The following PTAR1 variants were observed in gnomAD, a reference collection of about 807,000 sequenced individuals.
PTAR1 encodes the protein protein prenyltransferase alpha subunit repeat containing 1, also known as protein prenyltransferase alpha subunit repeat-containing protein 1.
In PTAR1, 17 loss-of-function variants were observed where a neutral mutation model predicts 45.5. That is an observed-to-expected ratio of 0.37 (90% CI 0.26 to 0.56). The LOEUF is 0.56. Among genes scored for constraint, PTAR1 ranks in the 20% least tolerant of loss-of-function variants. The pLI, the probability that PTAR1 is intolerant of heterozygous loss-of-function variation, is 0.77. For synonymous variants in PTAR1, 169 were observed against 171.3 expected (o/e 0.99, Z 0.11); for missense variants, 391 against 476.3 (o/e 0.82, Z 1.67).
intron 1 of PTAR1, chr9:69,758,653 C>A: frequency 2.6e-6 from 1 of 387,276 alleles, no homozygotes; most frequent in Non-Finnish European, 5.4e-6. Context: ...CAATTGTGTG[C>A]CACAAGGGAG....
chr9:69,737,316 A>T (rs1226981876), intron 3 of PTAR1, among the ~76,000 whole-genome samples: 1 of 152,148 alleles, frequency 6.6e-6, no homozygotes, highest in African/African-American at 2.4e-5. Flanking sequence ...TCTGAGCTCA[A>T]GCAATCCACC....
chr9:69,737,322 C>T (rs1173107541), intron 3 of PTAR1, among the ~76,000 whole-genome samples: 1 of 152,128 alleles, frequency 6.6e-6, no homozygotes, highest in Admixed American at 6.5e-5. Context: ...CTCAAGCAAT[C>T]CACCCATCTC....
chr9:69,750,470 AT>A (rs377137394), intron 2 of PTAR1, among the ~76,000 whole-genome samples: 301 of 148,306 alleles, frequency 2.0e-3, no homozygotes, highest in African/African-American at 5.7e-3. Context: ...TGACATTCAG[AT>A]TTTTTTTTTT....
intron 3 of PTAR1, among the ~76,000 whole-genome samples, chr9:69,737,665 C>T (rs1309799648): frequency 6.6e-6 from 1 of 152,094 alleles, no homozygotes; most frequent in Non-Finnish European, 1.5e-5. Flanking sequence ...ATAATAATGG[C>T]CATCCTCATT....
At chr9:69,722,734 T>A (rs1825074421) in intron 6 of PTAR1, among the ~76,000 whole-genome samples, 1 of 150,106 alleles carries the variant, frequency 6.7e-6, no homozygotes, top group African/African-American at 2.5e-5. Context: ...AGGTCAGGAG[T>A]TCGAGACCAG....
At chr9:69,736,435 T>C (rs1178191988) in intron 3 of PTAR1, among the ~76,000 whole-genome samples, 1 of 152,148 alleles carries the variant, frequency 6.6e-6, no homozygotes, top group Non-Finnish European at 1.5e-5. Flanking sequence ...CACGCACCTG[T>C]AGTCCCAGCT....
chr9:69,742,376 T>C (rs1490303676), intron 2 of PTAR1, among the ~76,000 whole-genome samples: 1 of 152,130 alleles, frequency 6.6e-6, no homozygotes, highest in African/African-American at 2.4e-5. Context: ...CTTTGTTCTA[T>C]ATTTTTCACT....
Position 69,753,832 on chromosome 9 carries a change from C to T in PTAR1, c.87-2882G>A, listed in dbSNP as rs150831584. ...TATCCACTGACAGGCAATGAGAATT[C>T]GGCAAGTCACTTGCCATCAGTATCC... On this transcript the variant is annotated intron_variant, in intron 1 of 7. Coordinates refer to ENST00000340434, the MANE Select transcript of PTAR1 (RefSeq NM_001099666.2). Among the ~76,000 whole-genome samples, 617 of 152,280 alleles carry T rather than the reference C, an allele frequency of 4.1e-3. 6 individuals are homozygous for T. The highest frequency in any genetic ancestry group is 0.014 in the African/African-American group (576 of 41,552).
intron 5 of PTAR1, 95 bp downstream of exon 5, chr9:69,732,044 T>G: frequency 1.2e-6 from 1 of 822,624 alleles, no homozygotes; most frequent in Non-Finnish European, 1.9e-6. Flanking sequence ...ACCATCAGTT[T>G]CTCTACTCCT....
chr9:69,749,817 T>A (rs1427481710), intron 2 of PTAR1, among the ~76,000 whole-genome samples: 3 of 152,056 alleles, frequency 2.0e-5, no homozygotes, highest in Non-Finnish European at 4.4e-5. Context: ...GCTTCCTGAA[T>A]AAAGGGACCA....
intron 1 of PTAR1, among the ~76,000 whole-genome samples, chr9:69,759,487 CAT>C (rs1359233769): frequency 2.6e-5 from 4 of 152,180 alleles, no homozygotes; most frequent in African/African-American, 9.7e-5. Flanking sequence ...GTTTACAAGG[CAT>C]ACACGGACCC....
intron 3 of PTAR1, 172 bp downstream of exon 3, chr9:69,741,620 C>T: frequency 3.6e-6 from 2 of 558,974 alleles, no homozygotes; most frequent in Non-Finnish European, 6.4e-6. Flanking sequence ...GAAGACACCA[C>T]ACAAAAAGGG....
intron 1 of PTAR1, among the ~76,000 whole-genome samples, chr9:69,755,535 C>A (rs542517604): frequency 6.6e-6 from 1 of 152,270 alleles, no homozygotes; most frequent in African/African-American, 2.4e-5. Flanking sequence ...AATACTCAAA[C>A]TGAATCCTAT....
rs773271915 is a variant in PTAR1, at chr9:69,718,663, C to T, written c.969G>A (p.Gln323=). The change falls in exon 7 of 8, where the codon CAG becomes CAA. Residue 323 remains glutamine (Q), a synonymous_variant. Coordinates refer to ENST00000340434, the MANE Select transcript of PTAR1 (RefSeq NM_001099666.2). ...WCHRRHIFYL[Q]HHLNAGSQLS... ...GAGGAAACCTACCATTTAAGTGATGCTGAAGGTAGAAAATATGCCGCCTGC... is the reference window on the plus strand; with the variant it reads ...GAGGAAACCTACCATTTAAGTGATGTTGAAGGTAGAAAATATGCCGCCTGC... The T allele has an allele frequency of 1.6e-5, 25 of 1,580,634 alleles. 1 individual carries two copies. Among genetic ancestry groups the T allele is most frequent in the Admixed American group, 3.7e-5 (2 of 54,360 alleles).
rs1396015314 is a variant in PTAR1, at chr9:69,711,772, ACTT to A, written c.*6567_*6569del. Reference sequence around the variant, plus strand: ...TTCAACTATGTTCTGTATAAATAATACTTCTATTACGTTACTAACTCCAGCTTA... The same window carrying A: ...TTCAACTATGTTCTGTATAAATAATACTATTACGTTACTAACTCCAGCTTA... On this transcript the variant is annotated 3_prime_UTR_variant, in exon 8 of 8. Transcript: ENST00000340434. 1 of 152,122 alleles carries A rather than the reference ACTT, an allele frequency of 6.6e-6. No homozygotes were observed. Among genetic ancestry groups the A allele is most frequent in the East Asian group, 1.9e-4 (1 of 5,196 alleles). 9.4% of individuals were successfully genotyped at this position (152,122 alleles called of 1,614,324 possible). A position where few individuals can be genotyped will look rare whatever the true frequency, so the allele number is the denominator to read the frequency against.
chr9:69,734,344 T>C (rs1393824450), intron 3 of PTAR1, 90 bp from the exon 4 acceptor site: 9 of 583,342 alleles, frequency 1.5e-5, no homozygotes, highest in South Asian at 1.4e-4. Context: ...TATAATCTCA[T>C]TGTGAAGCGA....
intron 5 of PTAR1, among the ~76,000 whole-genome samples, chr9:69,724,481 AG>A (rs1303203751): frequency 6.6e-5 from 10 of 152,360 alleles, no homozygotes; most frequent in African/African-American, 1.4e-4. Flanking sequence ...AGACCAGCTA[AG>A]GAAAAAAGAC....
At position 69,746,015 on chromosome 9, in the gene PTAR1, G is replaced by C. The variant is rs188195270; in HGVS notation, c.257-4157C>G. On this transcript the variant is annotated intron_variant, in intron 2 of 7. Transcript: ENST00000340434. ...TCGAATTTAAAACATCAACAGCCTT[G>C]ACCACCATCGGTGGTACCTAGTAAC... Among the ~76,000 whole-genome samples the C allele has an allele frequency of 6.7e-4, 102 of 152,290 alleles. 1 individual carries two copies. The highest frequency in any genetic ancestry group is 6.1e-3 in the Admixed American group (93 of 15,296).
At chr9:69,740,446 A>G (rs1033120950) in intron 3 of PTAR1, among the ~76,000 whole-genome samples, 6 of 152,052 alleles carry the variant, frequency 3.9e-5, no homozygotes, top group African/African-American at 1.4e-4. Context: ...ATCTATGCAT[A>G]TATGCTAGGC....
Sources: gnomAD v4.1 joint callset for allele counts (sites outside exome capture counted in the v4.1 genomes callset) on GRCh38, gnomAD v4.1.1 for gene constraint, MANE v1.5 for transcripts, NCBI Gene and HGNC (gene_info 2026-07-23, HGNC 2026-07-21) for gene names.